The following ADGRV1 variants were observed in gnomAD, a reference collection of about 807,000 sequenced individuals.
ADGRV1 encodes G-protein coupled receptor 98.
ADGRV1 carries 359 observed loss-of-function variants against 596.2 expected under a neutral mutation model. That is an observed-to-expected ratio of 0.60 (90% confidence interval 0.55 to 0.66). The LOEUF (loss-of-function observed/expected upper bound fraction) is 0.66. Ranked by LOEUF, ADGRV1 falls within the 30% of genes least tolerant of loss-of-function variation. ADGRV1 has a pLI of 0.00. For missense variants in ADGRV1, 7,274 were observed against 7,575.6 expected (o/e 0.96, Z 1.48); for synonymous variants, 2,681 against 2,679.2 (o/e 1.00, Z -0.02).
chr5:91,130,257 C>A (rs1408621877), intron 87 of ADGRV1, among the ~76,000 whole-genome samples: 4 of 148,062 alleles, frequency 2.7e-5, no homozygotes, highest in African/African-American at 9.9e-5. Flanking sequence ...AGAGGCCAGG[C>A]ACGGTGGCTC....
intron 84 of ADGRV1, among the ~76,000 whole-genome samples, chr5:90,969,409 G>A (rs1047833596): frequency 3.3e-5 from 5 of 152,078 alleles, no homozygotes; most frequent in African/African-American, 4.8e-5. Context: ...AAAGAGGTCC[G>A]ACTTTGAGTG....
rs1442683277 is a variant in ADGRV1 at position 90,627,447 on chromosome 5, C to T, written c.909C>T (p.Ile303=). ...LIGSDEYEVS[I]SYAVTTGNST... Reference sequence around the variant, plus strand: ...GATCTGATGAATATGAGGTTTCAATCAGTTATGCTGTCACAACTGGGAATT... The same window carrying T: ...GATCTGATGAATATGAGGTTTCAATTAGTTATGCTGTCACAACTGGGAATT... Residue 303 remains isoleucine (I), a synonymous_variant, in exon 7 of 90, where the codon ATC becomes ATT. Coordinates refer to ENST00000405460, the MANE Select transcript of ADGRV1 (RefSeq NM_032119.4). 4 of 1,613,948 alleles carry T rather than the reference C, an allele frequency of 2.5e-6. No individual in the cohort carries two copies. The highest frequency in any genetic ancestry group is 1.7e-5 in the Admixed American group (1 of 60,026).
rs2150229895 is a variant in ADGRV1 at position 90,810,987 on chromosome 5, G to A, written c.15727G>A (p.Val5243Ile). Residue 5243 changes from valine (V) to isoleucine (I), a missense_variant, in exon 74 of 90, where the codon GTT (valine) becomes ATT (isoleucine). Coordinates refer to ENST00000405460, the MANE Select transcript of ADGRV1 (RefSeq NM_032119.4). The stretch of plus-strand genomic sequence containing the variant: ...GAATGGCACATTCAACACTGCAGAA[G>A]TTCTTATCCGAAGAACTGGTGGGTT... The part of the protein sequence containing the change: ...MKNGTFNTAE[V>I]LIRRTGGFTG... 4 of 1,614,004 alleles carry A rather than the reference G, an allele frequency of 2.5e-6. No individual in the cohort carries two copies. The highest frequency in any genetic ancestry group is 2.5e-6 in the Non-Finnish European group (3 of 1,179,904).
At chr5:91,058,219 T>A (rs555303648) in intron 85 of ADGRV1, among the ~76,000 whole-genome samples, 1 of 152,208 alleles carries the variant, frequency 6.6e-6, no homozygotes, top group Admixed American at 6.5e-5. Context: ...CCCATCATGC[T>A]GGAGGGAGGG....
chr5:91,046,334 A>G (rs1463728105), intron 85 of ADGRV1, among the ~76,000 whole-genome samples: 1 of 152,194 alleles, frequency 6.6e-6, no homozygotes, highest in Admixed American at 6.5e-5. Context: ...AGACCAATGG[A>G]ACAGAATAGA....
chr5:90,664,778 A>G (rs888409786), intron 21 of ADGRV1, among the ~76,000 whole-genome samples: 1 of 126,324 alleles, frequency 7.9e-6, no homozygotes, highest in Admixed American at 8.5e-5. Flanking sequence ...ATTATTTTGA[A>G]ATACGTCCCA....
chr5:90,849,508 A>G (rs535623452), intron 79 of ADGRV1, among the ~76,000 whole-genome samples: 3 of 151,722 alleles, frequency 2.0e-5, no homozygotes, highest in South Asian at 4.2e-4. Context: ...TCTCACCTCA[A>G]CCTCCCTAAT....
At chr5:90,707,866 G>A (rs908323859) in intron 38 of ADGRV1, among the ~76,000 whole-genome samples, 1 of 152,048 alleles carries the variant, frequency 6.6e-6, no homozygotes, top group African/African-American at 2.4e-5. Context: ...TATGCATATA[G>A]GAGCAAGCTG....
At chr5:90,953,197 G>A (rs1777193144) in intron 83 of ADGRV1, among the ~76,000 whole-genome samples, 1 of 152,142 alleles carries the variant, frequency 6.6e-6, no homozygotes, top group Non-Finnish European at 1.5e-5. Flanking sequence ...ATAGCAAAAA[G>A]AGAACTGAGC....
Position 90,879,106 on chromosome 5 carries a change from A to G in ADGRV1, c.17856+15249A>G, listed in dbSNP as rs544483858. On this transcript the variant is annotated intron_variant, in intron 83 of 89. Coordinates refer to ENST00000405460, the MANE Select transcript of ADGRV1 (RefSeq NM_032119.4). Reference sequence around the variant, plus strand: ...TTCCAGTTCTTCCAGTCTGCATGCAAAAGGAAGGAAGGAGAACATCTACTA... The same window carrying G: ...TTCCAGTTCTTCCAGTCTGCATGCAGAAGGAAGGAAGGAGAACATCTACTA... Among the ~76,000 whole-genome samples, 23 of 152,290 alleles carry G rather than the reference A, an allele frequency of 1.5e-4. 1 individual carries two copies. Among genetic ancestry groups the G allele is most frequent in the Admixed American group, 1.4e-3 (22 of 15,298 alleles).
intron 85 of ADGRV1, among the ~76,000 whole-genome samples, chr5:90,999,489 G>A (rs1781690434): frequency 6.6e-6 from 1 of 151,906 alleles, no homozygotes; most frequent in African/African-American, 2.4e-5. Flanking sequence ...TTAATGCAAA[G>A]TGCTAAGAAT....
intron 59 of ADGRV1, among the ~76,000 whole-genome samples, chr5:90,769,602 C>T (rs1757481353): frequency 6.6e-6 from 1 of 152,130 alleles, no homozygotes; most frequent in Non-Finnish European, 1.5e-5. Flanking sequence ...ATTAAATTTT[C>T]TGCAGTTTGA....
chr5:90,780,308 C>G (rs1462008612), intron 64 of ADGRV1, among the ~76,000 whole-genome samples: 1 of 152,058 alleles, frequency 6.6e-6, no homozygotes, highest in Non-Finnish European at 1.5e-5. Flanking sequence ...ATCTACAGCC[C>G]ATCTCAGACT....
chr5:90,877,063 T>C (rs1226675100), intron 83 of ADGRV1, among the ~76,000 whole-genome samples: 2 of 152,170 alleles, frequency 1.3e-5, no homozygotes, highest in Admixed American at 1.3e-4. Context: ...GAGTTATTAA[T>C]TCTATCCAGG....
intron 83 of ADGRV1, among the ~76,000 whole-genome samples, chr5:90,949,039 C>G (rs1436251295): frequency 6.6e-6 from 1 of 152,046 alleles, no homozygotes; most frequent in Non-Finnish European, 1.5e-5. Flanking sequence ...CAATGGAATA[C>G]TATACGACAA....
intron 79 of ADGRV1, among the ~76,000 whole-genome samples, chr5:90,852,183 A>G (rs1766598167): frequency 1.3e-5 from 2 of 152,178 alleles, no homozygotes; most frequent in African/African-American, 4.8e-5. Flanking sequence ...GAAGGCACCA[A>G]TTCAAATAGG....
rs553631211 is a variant in ADGRV1 at position 90,847,455 on chromosome 5, C to T, written c.17020-1182C>T. 3.9e-5 allele frequency among the ~76,000 whole-genome samples: 6 copies of T among 152,356 alleles called. No individual in the cohort carries two copies. In the East Asian group the frequency reaches 1.2e-3, roughly 29 times the overall value. On this transcript the variant is annotated intron_variant, in intron 78 of 89. Transcript: ENST00000405460. ...GACTCAGGAGCCCAGCTGGCTTCACCCAGTGGATCCCGCACCAGGGCTGCA... is the reference window on the plus strand; with the variant it reads ...GACTCAGGAGCCCAGCTGGCTTCACTCAGTGGATCCCGCACCAGGGCTGCA...
intron 50 of ADGRV1, among the ~76,000 whole-genome samples, chr5:90,736,862 T>A (rs375793913): frequency 6.6e-6 from 1 of 152,020 alleles, no homozygotes; most frequent in East Asian, 1.9e-4. Context: ...ACTTTTTTTC[T>A]TAGTTGATGT....
rs767534533 is a variant in ADGRV1, at chr5:90,675,386, A to C, written c.5254A>C (p.Arg1752=). 1 of 1,613,928 alleles carries C rather than the reference A, an allele frequency of 6.2e-7. No individual in the cohort carries two copies. The highest frequency in any genetic ancestry group is 8.5e-7 in the Non-Finnish European group (1 of 1,179,872). ...CATCCGTGCACAGGGACTTCTGGGA[A>C]GGGTGACTGCGGAATTTAGAACAGT... is the stretch of plus-strand genomic sequence containing the variant. The part of the protein sequence containing the change: ...LVIRAQGLLG[R]VTAEFRTVSL... Residue 1752 remains arginine, a synonymous_variant, in exon 24 of 90, where the codon AGG becomes CGG. Coordinates refer to ENST00000405460, the MANE Select transcript of ADGRV1 (RefSeq NM_032119.4).
Sources: gnomAD v4.1 joint callset for allele counts (sites outside exome capture counted in the v4.1 genomes callset) on GRCh38, gnomAD v4.1.1 for gene constraint, MANE v1.5 for transcripts, NCBI Gene and HGNC (gene_info 2026-07-23, HGNC 2026-07-21) for gene names.